The following ERC2 variants were observed in gnomAD, a reference collection of about 807,000 sequenced individuals.
ERC2 encodes ELKS/RAB6-interacting/CAST family member 2.
Under a neutral mutation model 114.8 loss-of-function variants are expected in ERC2, and 42 were observed. That is an observed-to-expected ratio of 0.37 (90% CI 0.29 to 0.47). ERC2 has a LOEUF of 0.47. Ranked by LOEUF, ERC2 falls within the 20% of genes least tolerant of loss-of-function variation. ERC2 has a pLI of 0.99. For synonymous variants in ERC2, 454 were observed against 425.5 expected (o/e 1.07, Z -0.82); for missense variants, 939 against 1,150.7 (o/e 0.82, Z 2.66).
intron 14 of ERC2, among the ~76,000 whole-genome samples, chr3:55,760,739 C>T (rs191635662): frequency 7.2e-5 from 11 of 152,250 alleles, no homozygotes; most frequent in East Asian, 5.8e-4. Context: ...CACGTGAACA[C>T]GCCATGTACA....
chr3:56,343,175 C>CTT (rs2058159038), intron 2 of ERC2, among the ~76,000 whole-genome samples: 2 of 68,058 alleles, frequency 2.9e-5, no homozygotes, highest in African/African-American at 4.9e-5. Context: ...CTTTCTCTCT[C>CTT]TCTCTCTCTC....
At chr3:56,331,340 T>G (rs1447705552) in intron 2 of ERC2, among the ~76,000 whole-genome samples, 2 of 152,196 alleles carry the variant, frequency 1.3e-5, no homozygotes, top group African/African-American at 4.8e-5. Flanking sequence ...ATAGTAATTT[T>G]CCACCCATTG....
intron 2 of ERC2, among the ~76,000 whole-genome samples, chr3:56,381,366 A>T (rs997144499): frequency 6.6e-6 from 1 of 152,150 alleles, no homozygotes; most frequent in African/African-American, 2.4e-5. Context: ...ACGCACACTC[A>T]GGTCCTGCAG....
At chr3:56,037,622 A>T (rs751262743) in intron 7 of ERC2, among the ~76,000 whole-genome samples, 7 of 152,214 alleles carry the variant, frequency 4.6e-5, no homozygotes, top group Non-Finnish European at 1.0e-4. Context: ...AAGTTGGAAA[A>T]CATACTTCAG....
At chr3:55,988,285 T>C (rs2070788072) in intron 11 of ERC2, among the ~76,000 whole-genome samples, 1 of 152,282 alleles carries the variant, frequency 6.6e-6, no homozygotes, top group East Asian at 1.9e-4. Context: ...AGAGACTTGC[T>C]CAAGGCCCAC....
intron 14 of ERC2, among the ~76,000 whole-genome samples, chr3:55,765,789 A>G (rs990080521): frequency 6.6e-6 from 1 of 152,188 alleles, no homozygotes; most frequent in African/African-American, 2.4e-5. Context: ...CACGTCTGTA[A>G]CGTCTCTATT....
intron 4 of ERC2, among the ~76,000 whole-genome samples, chr3:56,168,773 G>A (rs1383077387): frequency 2.6e-5 from 4 of 152,196 alleles, no homozygotes; most frequent in Non-Finnish European, 4.4e-5. Context: ...TCAGCTCCAT[G>A]CAGAACAACA....
Position 55,808,743 on chromosome 3 carries a change from A to AT in ERC2, c.2565-73826_2565-73825insA, listed in dbSNP as rs2059598300. Among the ~76,000 whole-genome samples the AT allele has an allele frequency of 1.5e-4, 15 of 97,840 alleles. 1 individual carries two copies. The highest frequency in any genetic ancestry group is 6.8e-4 in the South Asian group (2 of 2,950). 64.2% of individuals were successfully genotyped at this position (97,840 alleles called of 152,430 possible). ...TATATATATATATATATATATATAT[A>AT]ACGTATAACTAAACATATATATATA... is the stretch of plus-strand genomic sequence containing the variant. On this transcript the variant is annotated intron_variant, in intron 14 of 17. Coordinates refer to ENST00000288221, the MANE Select transcript of ERC2 (RefSeq NM_015576.3).
At chr3:56,355,407 C>T (rs2058711117) in intron 2 of ERC2, among the ~76,000 whole-genome samples, 1 of 151,708 alleles carries the variant, frequency 6.6e-6, no homozygotes. Context: ...CAACCTCGAC[C>T]TCCCAGGCCC....
intron 13 of ERC2, among the ~76,000 whole-genome samples, chr3:55,947,584 T>A (rs914963154): frequency 2.6e-5 from 4 of 151,850 alleles, no homozygotes; most frequent in Non-Finnish European, 5.9e-5. Context: ...TCAGCAACTG[T>A]CATTAGTTTT....
intron 2 of ERC2, among the ~76,000 whole-genome samples, chr3:56,300,308 A>G (rs1245061207): frequency 6.8e-6 from 1 of 146,300 alleles, no homozygotes; most frequent in African/African-American, 2.8e-5. Flanking sequence ...AAAACAAAAG[A>G]AAAAAAATAG....
chr3:56,397,544 A>G (rs2060358380), intron 2 of ERC2, among the ~76,000 whole-genome samples: 1 of 152,142 alleles, frequency 6.6e-6, no homozygotes, highest in Non-Finnish European at 1.5e-5. Context: ...CAACTGTTTC[A>G]TATTGGTACA....
chr3:56,171,996 A>AG (rs2082702585), intron 4 of ERC2, among the ~76,000 whole-genome samples: 1 of 149,696 alleles, frequency 6.7e-6, no homozygotes, highest in African/African-American at 2.4e-5. Flanking sequence ...AAAAAAAAAA[A>AG]CAAGTCTTTT....
At chr3:55,847,910 T>A (rs1559756926) in intron 14 of ERC2, among the ~76,000 whole-genome samples, 1 of 152,114 alleles carries the variant, frequency 6.6e-6, no homozygotes, top group Non-Finnish European at 1.5e-5. Flanking sequence ...ATGATCCTCC[T>A]GCCTCAGCCT....
chr3:55,768,879 A>T (rs1051810460), intron 14 of ERC2, among the ~76,000 whole-genome samples: 2 of 152,156 alleles, frequency 1.3e-5, no homozygotes, highest in Non-Finnish European at 2.9e-5. Context: ...TGAGCATGCA[A>T]TAGAGGGAAC....
intron 14 of ERC2, among the ~76,000 whole-genome samples, chr3:55,864,266 T>C (rs1375503495): frequency 6.7e-6 from 1 of 149,264 alleles, no homozygotes; most frequent in Non-Finnish European, 1.5e-5. Context: ...TATGTGTGTG[T>C]GTATGTGTGT....
chr3:56,153,536 C>A (rs1237963726), intron 4 of ERC2, among the ~76,000 whole-genome samples: 1 of 152,140 alleles, frequency 6.6e-6, no homozygotes, highest in Non-Finnish European at 1.5e-5. Context: ...AAACATGAAT[C>A]TAGTTTCAAG....
intron 4 of ERC2, among the ~76,000 whole-genome samples, chr3:56,161,254 T>C (rs2082033881): frequency 2.6e-5 from 4 of 152,220 alleles, no homozygotes; most frequent in Non-Finnish European, 5.9e-5. Context: ...GCAGTTGTTG[T>C]TGCCATGCTT....
intron 14 of ERC2, among the ~76,000 whole-genome samples, chr3:55,738,215 A>T (rs1043346443): frequency 6.6e-6 from 1 of 152,278 alleles, no homozygotes; most frequent in South Asian, 2.1e-4. Flanking sequence ...ATAGTTTTCG[A>T]CATACAAATG....
Sources: gnomAD v4.1 joint callset for allele counts (sites outside exome capture counted in the v4.1 genomes callset) on GRCh38, gnomAD v4.1.1 for gene constraint, MANE v1.5 for transcripts, NCBI Gene and HGNC (gene_info 2026-07-23, HGNC 2026-07-21) for gene names.